Variants in MME observed in about 807,000 individuals in gnomAD.
MME encodes the protein membrane metalloendopeptidase.
Under a neutral mutation model 113.2 loss-of-function variants are expected in MME, and 98 were observed. The observed-to-expected ratio is 0.87, with a 90% confidence interval of 0.74 to 1.02. The LOEUF is 1.02. MME is among the 50% of genes least tolerant of loss of function. MME has a pLI of 0.00. For missense variants in MME, 836 were observed against 896.0 expected (o/e 0.93, Z 0.86); for synonymous variants, 292 against 300.6 (o/e 0.97, Z 0.30).
At chr3:155,068,213 A>G (rs1007647441) in intron 1 of MME, among the ~76,000 whole-genome samples, 4 of 152,220 alleles carry the variant, frequency 2.6e-5, no homozygotes, top group African/African-American at 9.6e-5. Flanking sequence ...AAAATTCTAG[A>G]AAATGCAAAC....
At chr3:155,085,157 C>G in intron 3 of MME, 63 bp downstream of exon 3, 1 of 1,061,622 alleles carries the variant, frequency 9.4e-7, no homozygotes. Context: ...AAATTAAATG[C>G]TAATCTTAAT....
intron 3 of MME, among the ~76,000 whole-genome samples, chr3:155,104,126 A>T (rs753083026): frequency 6.6e-5 from 10 of 152,174 alleles, no homozygotes; most frequent in Non-Finnish European, 1.3e-4. Context: ...GAAACCCTGC[A>T]AGCTCTGTGA....
intron 1 of MME, among the ~76,000 whole-genome samples, chr3:155,069,297 T>C (rs1346958620): frequency 6.6e-6 from 1 of 152,180 alleles, no homozygotes; most frequent in Non-Finnish European, 1.5e-5. Flanking sequence ...CAGTACAATG[T>C]TGTAGAAGCT....
rs138890875 is a variant in MME at position 155,068,345 on chromosome 3, G to A, written c.-10-15813G>A. ...CAAGAGGTACTTTTAGAAGGTGACGGATAACTTTATTATCTTGATTGGATG... is the reference window on the plus strand; with the variant it reads ...CAAGAGGTACTTTTAGAAGGTGACGAATAACTTTATTATCTTGATTGGATG... On this transcript the variant is annotated intron_variant, in intron 1 of 22. Coordinates refer to the MME transcript ENST00000492661. Among the ~76,000 whole-genome samples the A allele has an allele frequency of 9.8e-5, 15 of 152,292 alleles. 1 individual carries two copies. The highest frequency in any genetic ancestry group is 5.9e-4 in the Admixed American group (9 of 15,290).
chr3:155,181,809 G>A lies in MME; in HGVS notation c.*1350G>A, dbSNP rs1713118890. ...TACTTGATTAAGATTTTACAAAAGAGGAGCACTTCCAAAATTCTTATTTTT... is the reference window on the plus strand; with the variant it reads ...TACTTGATTAAGATTTTACAAAAGAAGAGCACTTCCAAAATTCTTATTTTT... On this transcript the variant is annotated 3_prime_UTR_variant, in exon 23 of 23. Transcript: ENST00000360490. 1.3e-5 allele frequency: 2 copies of A among 151,982 alleles called. No individual in the cohort carries two copies. Among genetic ancestry groups the A allele is most frequent in the South Asian group, 4.2e-4 (2 of 4,818 alleles). The allele number at this position is 151,982 out of a possible 1,614,324, so 9.4% of individuals were successfully genotyped here.
At chr3:155,103,901 A>G (rs771031222) in intron 3 of MME, among the ~76,000 whole-genome samples, 8 of 152,176 alleles carry the variant, frequency 5.3e-5, no homozygotes, top group Non-Finnish European at 1.0e-4. Context: ...AAACTCACTT[A>G]TGGAAGGACA....
intron 10 of MME, 113 bp from the exon 11 acceptor site, chr3:155,141,878 G>A (rs933524114): frequency 1.1e-5 from 12 of 1,129,010 alleles, no homozygotes; most frequent in Non-Finnish European, 1.4e-5. Flanking sequence ...AAACAATTGA[G>A]GAAGAATCCC....
intron 9 of MME, among the ~76,000 whole-genome samples, chr3:155,139,103 G>T (rs1720862561): frequency 6.6e-6 from 1 of 152,126 alleles, no homozygotes; most frequent in South Asian, 2.1e-4. Flanking sequence ...GAACCAGGGT[G>T]TTCTTGGAGC....
At chr3:155,113,372 C>T (rs867541400) in intron 3 of MME, among the ~76,000 whole-genome samples, 17 of 152,116 alleles carry the variant, frequency 1.1e-4, no homozygotes, top group Admixed American at 8.5e-4. Flanking sequence ...CTCCACCTCC[C>T]GAGTTCAAGC....
chr3:155,044,776 A>T (rs1478157591), intron 1 of MME, among the ~76,000 whole-genome samples: 2 of 152,210 alleles, frequency 1.3e-5, no homozygotes, highest in Non-Finnish European at 2.9e-5. Flanking sequence ...TATTATGAAA[A>T]ATTATATTAG....
intron 8 of MME, among the ~76,000 whole-genome samples, chr3:155,133,694 CATAT>C (rs1720376322): frequency 7.8e-6 from 1 of 128,850 alleles, no homozygotes; most frequent in Non-Finnish European, 1.6e-5. Flanking sequence ...ATATACCATA[CATAT>C]ATAGTGTGTG....
chr3:155,059,059 G>A (rs1396562011), intron 1 of MME, among the ~76,000 whole-genome samples: 1 of 152,004 alleles, frequency 6.6e-6, no homozygotes, highest in Non-Finnish European at 1.5e-5. Context: ...TTTGAGACCA[G>A]CCTGGCCAAC....
intron 1 of MME, among the ~76,000 whole-genome samples, chr3:155,074,408 A>ATG (rs139780935): frequency 9.9e-5 from 15 of 151,214 alleles, no homozygotes; most frequent in African/African-American, 2.7e-4. Context: ...TCTTTGATTT[A>ATG]TGTGTGTGTG....
At chr3:155,075,664 C>G (rs1266286837), upstream of MME, among the ~76,000 whole-genome samples, 1 of 152,036 alleles carries the variant, frequency 6.6e-6, no homozygotes, top group Non-Finnish European at 1.5e-5. Context: ...ATATCATTAT[C>G]CTTCTTTCCA....
At chr3:155,068,983 A>C (rs1471354439) in intron 1 of MME, among the ~76,000 whole-genome samples, 1 of 152,164 alleles carries the variant, frequency 6.6e-6, no homozygotes, top group Admixed American at 6.5e-5. Flanking sequence ...GGGAATAATA[A>C]AGGACTCATC....
chr3:155,172,723 C>CTTTT (rs11445808), intron 22 of MME, 111 bp downstream of exon 22: 18 of 634,876 alleles, frequency 2.8e-5, no homozygotes, highest in Non-Finnish European at 3.6e-5. Context: ...AAATTCAGTG[C>CTTTT]TTTTTTTTTT....
At chr3:155,178,658 G>T (rs1265028765) in intron 22 of MME, among the ~76,000 whole-genome samples, 1 of 152,094 alleles carries the variant, frequency 6.6e-6, no homozygotes, top group Non-Finnish European at 1.5e-5. Context: ...GCTCCCTGCA[G>T]ATATCAAAAT....
intron 1 of MME, among the ~76,000 whole-genome samples, chr3:155,071,551 C>T (rs1415513112): frequency 2.6e-5 from 4 of 152,170 alleles, no homozygotes; most frequent in Non-Finnish European, 5.9e-5. Context: ...TTAATTATTG[C>T]ATTTGGCATG....
At chr3:155,043,253 G>A (rs916318866) in intron 1 of MME, among the ~76,000 whole-genome samples, 1 of 150,528 alleles carries the variant, frequency 6.6e-6, no homozygotes, top group Non-Finnish European at 1.5e-5. Context: ...TTTAATATTA[G>A]TATTAGACAG....
Sources: allele counts gnomAD v4.1 joint callset (sites outside exome capture counted in the v4.1 genomes callset), GRCh38; gene constraint gnomAD v4.1.1; transcripts MANE v1.5; gene names NCBI Gene and HGNC (gene_info 2026-07-23, HGNC 2026-07-21).